The following ATF2 variants were observed in gnomAD, a reference collection of about 807,000 sequenced individuals.
ATF2 encodes the protein cyclic AMP-dependent transcription factor ATF-2.
In ATF2, 24 loss-of-function variants were observed where a neutral mutation model predicts 60.6. The observed-to-expected ratio is 0.40, with a 90% CI of 0.29 to 0.56. ATF2 has a LOEUF of 0.56. ATF2 is among the 20% of genes least tolerant of loss of function. The pLI is 0.54. For synonymous variants in ATF2, 206 were observed against 215.4 expected, an observed-to-expected ratio of 0.96 and a Z score of 0.38; for missense variants, 433 against 607.7, an observed-to-expected ratio of 0.71 and a Z score of 3.02.
chr2:175,139,033 A>G (rs1401166138), intron 2 of ATF2, among the ~76,000 whole-genome samples: 1 of 152,212 alleles, frequency 6.6e-6, no homozygotes, highest in Admixed American at 6.5e-5. Flanking sequence ...AGTATCACCT[A>G]CCTCACAGTT....
At chr2:175,083,871 G>A (rs956710894) in intron 12 of ATF2, among the ~76,000 whole-genome samples, 4 of 152,186 alleles carry the variant, frequency 2.6e-5, no homozygotes, top group Admixed American at 6.5e-5. Context: ...AGACATTTAT[G>A]CAGCCAAAAG....
At chr2:175,121,050 T>G (rs1293091619) in intron 5 of ATF2, among the ~76,000 whole-genome samples, 1 of 151,866 alleles carries the variant, frequency 6.6e-6, no homozygotes, top group African/African-American at 2.4e-5. Flanking sequence ...CTCACTGTTC[T>G]TTCTCCAATG....
Position 175,104,865 on chromosome 2 carries a change from T to C in ATF2, c.828+6703A>G, listed in dbSNP as rs914810972. Reference sequence around the variant, plus strand: ...TGCCAAGCGGAATAACACGTTACCCTTGGACTTTAAGTGAAAATGTTTAAT... The same window carrying C: ...TGCCAAGCGGAATAACACGTTACCCCTGGACTTTAAGTGAAAATGTTTAAT... On this transcript the variant is annotated intron_variant, in intron 10 of 13. Transcript: ENST00000264110. 2.6e-5 allele frequency among the ~76,000 whole-genome samples: 4 copies of C among 152,344 alleles called. No homozygotes were observed. The South Asian group carries it at 8.3e-4, about 32-fold the overall frequency.
chr2:175,117,427 C>A (rs1293904154), intron 7 of ATF2, among the ~76,000 whole-genome samples: 1 of 151,896 alleles, frequency 6.6e-6, no homozygotes, highest in East Asian at 1.9e-4. Flanking sequence ...ATGGTACTCC[C>A]AAATAAATAT....
intron 10 of ATF2, among the ~76,000 whole-genome samples, chr2:175,098,846 CT>C (rs35715552): frequency 0.068 from 10,317 of 152,128 alleles, 353 homozygotes; most frequent in East Asian, 0.12. Context: ...CTAGGCCTAT[CT>C]TCTTACTGTC....
chr2:175,076,373 G>A (rs1693294155), intron 13 of ATF2, among the ~76,000 whole-genome samples: 1 of 151,868 alleles, frequency 6.6e-6, no homozygotes, highest in African/African-American at 2.4e-5. Flanking sequence ...ACCAGAAGTA[G>A]TAATCCTTTA....
intron 1 of ATF2, among the ~76,000 whole-genome samples, chr2:175,157,575 T>C (rs1247277587): frequency 3.3e-5 from 5 of 152,168 alleles, no homozygotes; most frequent in African/African-American, 1.2e-4. Context: ...TGGTTGATGA[T>C]TGCTGCTGAT....
At chr2:175,148,643 AC>A (rs1471286305) in intron 2 of ATF2, among the ~76,000 whole-genome samples, 1 of 152,182 alleles carries the variant, frequency 6.6e-6, no homozygotes, top group East Asian at 1.9e-4. Flanking sequence ...CAACACAGAG[AC>A]CGTAAGATTG....
intron 12 of ATF2, among the ~76,000 whole-genome samples, chr2:175,085,127 C>A (rs928007263): frequency 6.6e-6 from 1 of 152,160 alleles, no homozygotes. Flanking sequence ...CAAATGTCTT[C>A]TCTCTGAAAC....
chr2:175,114,743 T>C lies in ATF2; in HGVS notation c.573A>G (p.Ser191=), dbSNP rs1284160423. The change falls in exon 8 of 14, where the codon TCA becomes TCG. Residue 191 remains serine, a synonymous_variant. Coordinates refer to ENST00000264110, the MANE Select transcript of ATF2 (RefSeq NM_001880.4). ...SSVIIQQAVP[S]PTSSTVITQA... ...GGGTGATTACAGTACTTGAGGTTGGTGAAGGTACTGCCTGCTGAATAATTA... is the reference window on the plus strand; with the variant it reads ...GGGTGATTACAGTACTTGAGGTTGGCGAAGGTACTGCCTGCTGAATAATTA... 1 of 1,614,014 alleles carries C rather than the reference T, an allele frequency of 6.2e-7. No individual in the cohort carries two copies. Among genetic ancestry groups the C allele is most frequent in the South Asian group, 1.1e-5 (1 of 91,072 alleles).
chr2:175,097,579 A>C lies in ATF2; in HGVS notation c.843T>G (p.Ala281=). The change falls in exon 11 of 14, where the codon GCT becomes GCG. Residue 281 remains alanine (A), a synonymous_variant. Transcript: ENST00000264110. The part of the protein sequence containing the change: ...QSEAKMRLKA[A]LTQQHPPVTN... ...TAACTGGAGGATGTTGCTGGGTCAA[A>C]GCAGCTTTTAATCTCTGCAATGCAA... The C allele has an allele frequency of 1.2e-6, 2 of 1,614,048 alleles. No homozygotes were observed. Among genetic ancestry groups the C allele is most frequent in the Non-Finnish European group, 1.7e-6 (2 of 1,179,954 alleles).
intron 2 of ATF2, among the ~76,000 whole-genome samples, chr2:175,138,274 G>A (rs1698270399): frequency 6.6e-6 from 1 of 152,124 alleles, no homozygotes. Context: ...CTTGGCATGA[G>A]TACTTCTTGC....
At chr2:175,167,364 C>T (rs1700428042) in intron 1 of ATF2, among the ~76,000 whole-genome samples, 1 of 152,038 alleles carries the variant, frequency 6.6e-6, no homozygotes, top group African/African-American at 2.4e-5. Flanking sequence ...CAGTCTGCAC[C>T]CACACCTAAG....
intron 10 of ATF2, among the ~76,000 whole-genome samples, chr2:175,107,902 G>T (rs978306953): frequency 5.9e-5 from 9 of 152,196 alleles, no homozygotes; most frequent in Non-Finnish European, 1.0e-4. Context: ...GCAGTGGCGT[G>T]ATCTCGGCTC....
chr2:175,150,763 C>T lies in ATF2; in HGVS notation c.-44+297G>A, dbSNP rs147152910. Reference sequence around the variant, plus strand: ...GAACTGAGACCTTTATATCGGAACCCTTTGCTAAAGAGGGGTCCCTAGTCA... The same window carrying T: ...GAACTGAGACCTTTATATCGGAACCTTTTGCTAAAGAGGGGTCCCTAGTCA... On this transcript the variant is annotated intron_variant, in intron 2 of 13. Coordinates refer to ENST00000264110, the MANE Select transcript of ATF2 (RefSeq NM_001880.4). Among the ~76,000 whole-genome samples the T allele has an allele frequency of 6.6e-4, 101 of 152,196 alleles. No individual in the cohort carries two copies. The East Asian group carries it at 0.018, about 28-fold the overall frequency.
At chr2:175,105,319 C>G (rs542817234) in intron 10 of ATF2, among the ~76,000 whole-genome samples, 6 of 150,856 alleles carry the variant, frequency 4.0e-5, no homozygotes, top group Non-Finnish European at 8.8e-5. Flanking sequence ...TGCCCCCCCC[C>G]CAAAAAAATA....
intron 1 of ATF2, among the ~76,000 whole-genome samples, chr2:175,166,541 TTCC>T (rs1700360990): frequency 6.6e-6 from 1 of 152,074 alleles, no homozygotes; most frequent in African/African-American, 2.4e-5. Context: ...TTACGGTGGA[TTCC>T]TCAAGTAAGG....
rs539959987 is a variant in ATF2 at position 175,165,815 on chromosome 2, C to T, written c.-143+2235G>A. On this transcript the variant is annotated intron_variant, in intron 1 of 13. Coordinates refer to ENST00000264110, the MANE Select transcript of ATF2 (RefSeq NM_001880.4). ...TCTCGAGTAGGTGGGACTACAGGAG[C>T]CAACACACCCAGCTAATTTTTGGTA... Among the ~76,000 whole-genome samples the T allele has an allele frequency of 2.6e-5, 4 of 152,238 alleles. No individual in the cohort carries two copies. In the South Asian group the frequency reaches 6.2e-4, roughly 24 times the overall value.
At chr2:175,163,995 T>C (rs1167187096) in intron 1 of ATF2, among the ~76,000 whole-genome samples, 1 of 139,374 alleles carries the variant, frequency 7.2e-6, no homozygotes, top group Non-Finnish European at 1.5e-5. Flanking sequence ...AAAAGATATA[T>C]ATAATGAATA....
Sources: allele counts gnomAD v4.1 joint callset (sites outside exome capture counted in the v4.1 genomes callset), GRCh38; gene constraint gnomAD v4.1.1; transcripts MANE v1.5; gene names NCBI Gene and HGNC (gene_info 2026-07-23, HGNC 2026-07-21).